The following PCSK1 variants were observed in gnomAD, a reference collection of about 807,000 sequenced individuals.
PCSK1 encodes the protein proprotein convertase subtilisin/kexin type 1.
Under a neutral mutation model 90.6 loss-of-function variants are expected in PCSK1, and 56 were observed. The observed-to-expected ratio is 0.62, with a 90% CI of 0.50 to 0.77. The LOEUF (loss-of-function observed/expected upper bound fraction) is 0.77. PCSK1 is among the 30% of genes least tolerant of loss of function. The probability of loss-of-function intolerance (pLI) is 0.00; values close to 1 mark genes in which losing one functional copy is unlikely to be tolerated. For missense variants in PCSK1, 801 were observed against 932.6 expected, an observed-to-expected ratio of 0.86 and a Z score of 1.84; for synonymous variants, 348 against 342.4, an observed-to-expected ratio of 1.02 and a Z score of -0.18.
At chr5:96,415,192 T>C (rs1760901409) in intron 6 of PCSK1, among the ~76,000 whole-genome samples, 1 of 152,208 alleles carries the variant, frequency 6.6e-6, no homozygotes, top group Non-Finnish European at 1.5e-5. Context: ...GAACATGGAC[T>C]GCATCAATGG....
intron 9 of PCSK1, among the ~76,000 whole-genome samples, chr5:96,402,126 A>G (rs1760397980): frequency 6.6e-6 from 1 of 152,184 alleles, no homozygotes; most frequent in Non-Finnish European, 1.5e-5. Context: ...AGAGCCCATC[A>G]TGTACTGGCT....
chr5:96,429,218 C>A lies in PCSK1; in HGVS notation c.280G>T (p.Asp94Tyr). 6.7e-7 allele frequency: 1 copy of A among 1,486,248 alleles called. No individual in the cohort carries two copies. Among genetic ancestry groups the A allele is most frequent in the Non-Finnish European group, 9.4e-7 (1 of 1,063,474 alleles). 92.1% of individuals were successfully genotyped at this position (1,486,248 alleles called of 1,614,324 possible). The change falls in exon 2 of 14, where the codon GAT (aspartate) becomes TAT (tyrosine). Residue 94 changes from aspartate (D) to tyrosine (Y), a missense_variant. By Grantham distance (160) the Asp-to-Tyr change is radical. Coordinates refer to ENST00000311106, the MANE Select transcript of PCSK1 (RefSeq NM_000439.5). ...GACAAATGTACAACACTTACACGAT[C>A]ATCATCAGATAATCTCTTAGTGATA... is the stretch of plus-strand genomic sequence containing the variant. Reference protein sequence around the residue: ...FHITKRLSDDDRVIWAEQQYE... With the variant: ...FHITKRLSDDYRVIWAEQQYE...
Position 96,432,216 on chromosome 5 carries a change from T to C in PCSK1, c.180+647A>G, listed in dbSNP as rs3792747. ...TTCCCAGTGAAAAGCCGGAGCTCCC[T>C]AGAGAGTCGCGGGGATAGATGGTCC... On this transcript the variant is annotated intron_variant, in intron 1 of 13. Transcript: ENST00000311106. The C allele has an allele frequency of 0.21, 244,472 of 1,192,324 alleles. 26,799 individuals are homozygous for C. The highest frequency in any genetic ancestry group is 0.22 in the Non-Finnish European group (182,878 of 838,658). 73.9% of individuals were successfully genotyped at this position (1,192,324 alleles called of 1,614,324 possible). A position where few individuals can be genotyped will look rare whatever the true frequency, so the allele number is the denominator to read the frequency against.
At chr5:96,415,038 T>C (rs78831094) in intron 6 of PCSK1, among the ~76,000 whole-genome samples, 1,804 of 152,346 alleles carry the variant, frequency 0.012, 128 homozygotes, top group Admixed American at 0.1. Context: ...TGATTCTTTT[T>C]GTGATTATGG....
At chr5:96,423,996 G>T (rs1457229676) in intron 3 of PCSK1, among the ~76,000 whole-genome samples, 1 of 152,314 alleles carries the variant, frequency 6.6e-6, no homozygotes, top group East Asian at 1.9e-4. Context: ...TTAAGTATGA[G>T]TGATTTAGGG....
At chr5:96,419,095 T>C (rs1761029175) in intron 5 of PCSK1, among the ~76,000 whole-genome samples, 1 of 152,024 alleles carries the variant, frequency 6.6e-6, no homozygotes. Flanking sequence ...GCCATATATA[T>C]ACATATGCAC....
In PCSK1 at chr5:96,393,455, A is replaced by G. The variant is rs916589001; in HGVS notation, c.1885-77T>C. On this transcript the variant is annotated intron_variant, in intron 13 of 13. Coordinates refer to ENST00000311106, the MANE Select transcript of PCSK1 (RefSeq NM_000439.5). ...CAGGCAAGCTAGTTGCAACCCTACC[A>G]CAGGAACGCTGCCTGCCGCTTGAGA... The G allele has an allele frequency of 2.1e-5, 33 of 1,537,236 alleles. No individual in the cohort carries two copies. In the African/African-American group the frequency reaches 4.4e-4, roughly 20 times the overall value.
At chr5:96,405,651 A>T (rs998744575) in intron 9 of PCSK1, among the ~76,000 whole-genome samples, 1 of 152,160 alleles carries the variant, frequency 6.6e-6, no homozygotes, top group South Asian at 2.1e-4. Flanking sequence ...AGCCTGGGTG[A>T]CGGAGTGAGA....
intron 7 of PCSK1, among the ~76,000 whole-genome samples, chr5:96,411,562 G>C (rs1166767769): frequency 6.6e-6 from 1 of 152,198 alleles, no homozygotes; most frequent in East Asian, 1.9e-4. Flanking sequence ...CCAAGTGACA[G>C]AGCAATCCAA....
chr5:96,409,168 C>G (rs193149005), intron 8 of PCSK1, among the ~76,000 whole-genome samples: 179 of 152,304 alleles, frequency 1.2e-3, no homozygotes, highest in African/African-American at 4.2e-3. Flanking sequence ...GAAAAGACTT[C>G]CTGTCTGCCT....
At chr5:96,410,399 A>T (rs1042096783) in intron 8 of PCSK1, among the ~76,000 whole-genome samples, 5 of 151,988 alleles carry the variant, frequency 3.3e-5, no homozygotes, top group Admixed American at 6.6e-5. Flanking sequence ...CCCTGCTGTT[A>T]AAGGATCAGC....
rs200973203 is a variant in PCSK1, at chr5:96,400,195, G to A, written c.1197-9C>T. On this transcript the variant is annotated splice_polypyrimidine_tract_variant and intron_variant, in intron 9 of 13. Coordinates refer to ENST00000311106, the MANE Select transcript of PCSK1 (RefSeq NM_000439.5). ...GCCAGGTGAGATTTGGGCTGGAGGG[G>A]AAGTGACCCAAAGTGTCTTTCAGAG... 1,763 of 1,592,342 alleles carry A rather than the reference G, an allele frequency of 1.1e-3. 14 individuals carry two copies. Among genetic ancestry groups the A allele is most frequent in the East Asian group, 4.7e-3 (211 of 44,784 alleles).
At chr5:96,428,158 A>G (rs1213532303) in intron 2 of PCSK1, among the ~76,000 whole-genome samples, 2 of 152,128 alleles carry the variant, frequency 1.3e-5, no homozygotes, top group Admixed American at 6.5e-5. Context: ...TAAAAATTCT[A>G]TCAGTTTCAG....
chr5:96,432,808 A>G, intron 1 of PCSK1, 55 bp downstream of exon 1: 3 of 1,468,360 alleles, frequency 2.0e-6, no homozygotes, highest in Non-Finnish European at 2.9e-6. Context: ...ACCGCGCTCC[A>G]GTCCCGCCAG....
chr5:96,428,031 T>G (rs551317019), intron 2 of PCSK1, among the ~76,000 whole-genome samples: 46 of 151,570 alleles, frequency 3.0e-4, no homozygotes, highest in Middle Eastern at 6.8e-3. Context: ...ATACGGTCAC[T>G]GTCCGTGGTC....
At chr5:96,415,232 T>G (rs543272760) in intron 6 of PCSK1, among the ~76,000 whole-genome samples, 1 of 152,304 alleles carries the variant, frequency 6.6e-6, no homozygotes, top group South Asian at 2.1e-4. Flanking sequence ...TTCAGCCAAC[T>G]GAAGACACCA....
In PCSK1 at chr5:96,410,831, C is replaced by G. The variant is rs778661032; in HGVS notation, c.1038G>C (p.Lys346Asn). 3 of 1,614,134 alleles carry G rather than the reference C, an allele frequency of 1.9e-6. No homozygotes were observed. In the South Asian group the frequency reaches 3.3e-5, roughly 18 times the overall value. The change falls in exon 8 of 14, where the codon AAG becomes AAC. Residue 346 changes from lysine to asparagine, a missense_variant. By Grantham distance (94) the Lys-to-Asn change is moderately conservative. Transcript: ENST00000311106. ...AAGAGGTGGCCAGTGTGGAGGAGCA[C>G]TTCTCAGCGTACCAGGGGGATAGGC... ...QQGLSPWYAE[K>N]CSSTLATSYS...
At chr5:96,394,268 AG>A (rs1204437921) in intron 13 of PCSK1, among the ~76,000 whole-genome samples, 1 of 152,240 alleles carries the variant, frequency 6.6e-6, no homozygotes, top group Non-Finnish European at 1.5e-5. Flanking sequence ...ATCTGATAGA[AG>A]GAAGCCAGGA....
At chr5:96,429,540 A>G (rs915122801) in intron 1 of PCSK1, among the ~76,000 whole-genome samples, 1 of 152,030 alleles carries the variant, frequency 6.6e-6, no homozygotes, top group African/African-American at 2.4e-5. Context: ...TGTACAGATT[A>G]TTTCATCACC....
Sources: allele counts gnomAD v4.1 joint callset (sites outside exome capture counted in the v4.1 genomes callset), GRCh38; gene constraint gnomAD v4.1.1; transcripts MANE v1.5; gene names NCBI Gene and HGNC (gene_info 2026-07-23, HGNC 2026-07-21).